BICC1: variants seen among roughly 807,000 people sequenced by gnomAD.
BICC1 encodes protein bicaudal C homolog 1.
In BICC1, 43 loss-of-function variants were observed where a neutral mutation model predicts 111.0. That is an observed-to-expected ratio of 0.39 (90% CI 0.30 to 0.50). The LOEUF (loss-of-function observed/expected upper bound fraction) is 0.50, where lower values mean the gene tolerates loss of function less well. Among genes scored for constraint, BICC1 ranks in the 20% least tolerant of loss-of-function variants. The pLI, the probability that BICC1 is intolerant of heterozygous loss-of-function variation, is 0.88. For synonymous variants in BICC1, 467 were observed against 434.4 expected (o/e 1.07, Z -0.93); for missense variants, 1,091 against 1,203.2 (o/e 0.91, Z 1.38).
At chr10:58,539,602 A>G (rs1842909718) in intron 1 of BICC1, among the ~76,000 whole-genome samples, 1 of 151,904 alleles carries the variant, frequency 6.6e-6, no homozygotes, top group South Asian at 2.1e-4. Context: ...AGGTATGACA[A>G]TGATAAATGT....
intron 3 of BICC1, among the ~76,000 whole-genome samples, chr10:58,703,678 C>T (rs968306828): frequency 6.6e-6 from 1 of 152,076 alleles, no homozygotes; most frequent in East Asian, 1.9e-4. Flanking sequence ...AAGAAACTGC[C>T]GTTCATGGAT....
At position 58,800,990 on chromosome 10, in the gene BICC1, C is replaced by G. The variant is rs755844028; in HGVS notation, c.1959C>G (p.Ser653=). The G allele has an allele frequency of 3.1e-6, 5 of 1,612,358 alleles. No homozygotes were observed. The African/African-American group carries it at 6.7e-5, about 22-fold the overall frequency. ...LKQMMCPSKV[S]CAKRQTVELL... ...AGATGATGTGTCCCTCCAAGGTTTCCTGTGCCAAAAGGCAGACAGTGGAAC... is the reference window on the plus strand; with the variant it reads ...AGATGATGTGTCCCTCCAAGGTTTCGTGTGCCAAAAGGCAGACAGTGGAAC... Residue 653 remains serine (S), a synonymous_variant, in exon 14 of 21, where the codon TCC becomes TCG. Transcript: ENST00000373886.
chr10:58,747,058 G>T (rs1841855160), intron 3 of BICC1, among the ~76,000 whole-genome samples: 1 of 152,086 alleles, frequency 6.6e-6, no homozygotes, highest in South Asian at 2.1e-4. Flanking sequence ...AGGTTCACGG[G>T]ACCACACAGA....
In BICC1 at chr10:58,789,418, A is replaced by G; in HGVS notation, c.757A>G (p.Ile253Val). 4 of 1,614,098 alleles carry G rather than the reference A, an allele frequency of 2.5e-6. No homozygotes were observed. The highest frequency in any genetic ancestry group is 2.5e-6 in the Non-Finnish European group (3 of 1,179,966). Reference protein sequence around the residue: ...QRSRMYGATVIVRGSQNNTSA... With the variant: ...QRSRMYGATVVVRGSQNNTSA... ...TTCCCGAATGTATGGTGCTACTGTCATAGTACGAGGGTCTCAGAATAACAC... is the reference window on the plus strand; with the variant it reads ...TTCCCGAATGTATGGTGCTACTGTCGTAGTACGAGGGTCTCAGAATAACAC... The change falls in exon 7 of 21, where the codon ATA becomes GTA. Residue 253 changes from isoleucine (I) to valine (V), a missense_variant. Transcript: ENST00000373886.
chr10:58,577,730 A>T (rs1844153843), intron 1 of BICC1, among the ~76,000 whole-genome samples: 1 of 152,166 alleles, frequency 6.6e-6, no homozygotes, highest in Non-Finnish European at 1.5e-5. Flanking sequence ...TACATACCTG[A>T]ATTTGAAACC....
chr10:58,692,738 G>A (rs1839947927), intron 2 of BICC1, among the ~76,000 whole-genome samples: 1 of 151,922 alleles, frequency 6.6e-6, no homozygotes, highest in East Asian at 1.9e-4. Context: ...TCAGCTTCCA[G>A]TGTTTCATCC....
chr10:58,808,799 A>G (rs975082713), intron 17 of BICC1, among the ~76,000 whole-genome samples: 25 of 149,928 alleles, frequency 1.7e-4, no homozygotes, highest in African/African-American at 5.4e-4. Flanking sequence ...CACGGCAACC[A>G]CCATCTCCTG....
chr10:58,666,505 A>T (rs1024377758), intron 2 of BICC1, among the ~76,000 whole-genome samples: 1 of 152,178 alleles, frequency 6.6e-6, no homozygotes, highest in Admixed American at 6.5e-5. Context: ...TTTAATTCTA[A>T]TAGGTTGCTG....
At chr10:58,527,213 G>T (rs537011733) in intron 1 of BICC1, among the ~76,000 whole-genome samples, 2 of 152,140 alleles carry the variant, frequency 1.3e-5, no homozygotes, top group African/African-American at 2.4e-5. Flanking sequence ...TTTTTTGGCT[G>T]CATAAATGTC....
chr10:58,643,896 G>T (rs1838192405), intron 2 of BICC1, among the ~76,000 whole-genome samples: 1 of 152,182 alleles, frequency 6.6e-6, no homozygotes, highest in Non-Finnish European at 1.5e-5. Context: ...TGCAGTGTGT[G>T]TCTGGCAGAA....
chr10:58,723,319 A>G (rs1840997120), intron 3 of BICC1, among the ~76,000 whole-genome samples: 1 of 152,198 alleles, frequency 6.6e-6, no homozygotes, highest in Admixed American at 6.5e-5. Flanking sequence ...TCCTGGGAGA[A>G]TAAGGGGATG....
chr10:58,767,956 C>T (rs774281160), intron 3 of BICC1, among the ~76,000 whole-genome samples: 1 of 151,730 alleles, frequency 6.6e-6, no homozygotes, highest in Non-Finnish European at 1.5e-5. Context: ...TTATGCGATA[C>T]CATCAGGAGA....
At chr10:58,553,686 AATAT>A (rs1843361231) in intron 1 of BICC1, among the ~76,000 whole-genome samples, 1 of 152,154 alleles carries the variant, frequency 6.6e-6, no homozygotes. Context: ...ATGTTTATAA[AATAT>A]ATAAAGACAA....
Position 58,516,364 on chromosome 10 carries a change from A to T in BICC1, c.190+3031A>T, listed in dbSNP as rs1485121289. On this transcript the variant is annotated intron_variant, in intron 1 of 20. Transcript: ENST00000373886. The stretch of plus-strand genomic sequence containing the variant: ...ATGGACCAAAAATTCAGTGAGGTTA[A>T]TATATGGGCAATAGGGTAGTAGTCA... Among the ~76,000 whole-genome samples, 10 of 152,324 alleles carry T rather than the reference A, an allele frequency of 6.6e-5. No individual in the cohort carries two copies. In the East Asian group the frequency reaches 1.9e-3, roughly 29 times the overall value.
At position 58,657,848 on chromosome 10, in the gene BICC1, T is replaced by A. The variant is rs117765627; in HGVS notation, c.237+36947T>A. The stretch of plus-strand genomic sequence containing the variant: ...TGCTGCATATTACATATTATTACAA[T>A]GTGTGGATATAGCGTAAAGAATTCA... On this transcript the variant is annotated intron_variant, in intron 2 of 20. Coordinates refer to ENST00000373886, the MANE Select transcript of BICC1 (RefSeq NM_001080512.3). 3.7e-4 allele frequency among the ~76,000 whole-genome samples: 56 copies of A among 152,282 alleles called. 1 individual carries two copies. In the East Asian group the frequency reaches 8.5e-3, roughly 23 times the overall value.
At chr10:58,808,488 TC>T (rs1282803402) in intron 17 of BICC1, among the ~76,000 whole-genome samples, 1 of 152,142 alleles carries the variant, frequency 6.6e-6, no homozygotes, top group Non-Finnish European at 1.5e-5. Context: ...CTCATTCAGT[TC>T]TGCTTTCTAA....
In BICC1 at chr10:58,751,992, C is replaced by T. The variant is rs149409880; in HGVS notation, c.308-33009C>T. 7.0e-3 allele frequency among the ~76,000 whole-genome samples: 1,073 copies of T among 152,276 alleles called. 13 individuals are homozygous for T. Among genetic ancestry groups the T allele is most frequent in the Admixed American group, 0.013 (201 of 15,284 alleles). On this transcript the variant is annotated intron_variant, in intron 3 of 20. Coordinates refer to ENST00000373886, the MANE Select transcript of BICC1 (RefSeq NM_001080512.3). ...AAGCCTCCCTTTCTGTTATAACCTT[C>T]TCTACATTATACCTCACTATGATTT...
intron 8 of BICC1, among the ~76,000 whole-genome samples, chr10:58,790,761 G>A (rs752873591): frequency 3.9e-5 from 6 of 152,286 alleles, no homozygotes; most frequent in East Asian, 1.9e-4. Flanking sequence ...GAAAGCAGAG[G>A]TTGCAGTAAG....
At chr10:58,764,632 T>TC (rs1213149558) in intron 3 of BICC1, among the ~76,000 whole-genome samples, 1 of 139,834 alleles carries the variant, frequency 7.2e-6, no homozygotes, top group Non-Finnish European at 1.6e-5. Context: ...TTTCCTTCTT[T>TC]TTTTTTTTTT....
Sources: gnomAD v4.1 joint callset for allele counts (sites outside exome capture counted in the v4.1 genomes callset) on GRCh38, gnomAD v4.1.1 for gene constraint, MANE v1.5 for transcripts, NCBI Gene and HGNC (gene_info 2026-07-23, HGNC 2026-07-21) for gene names.